The following MAPK10 variants were observed in gnomAD, a reference collection of about 807,000 sequenced individuals.
The protein encoded by MAPK10 is JNK3 alpha protein kinase.
MAPK10 carries 25 observed loss-of-function variants against 59.3 expected under a neutral mutation model. The ratio of observed to expected loss-of-function variants is 0.42; its 90% CI spans 0.31 to 0.59. The LOEUF (loss-of-function observed/expected upper bound fraction) is 0.59, where lower values mean the gene tolerates loss of function less well. Ranked by LOEUF, MAPK10 falls within the 20% of genes least tolerant of loss-of-function variation. The pLI, the probability that MAPK10 is intolerant of heterozygous loss-of-function variation, is 0.15. For missense variants in MAPK10, 351 were observed against 568.9 expected (o/e 0.62, Z 3.90); for synonymous variants, 190 against 200.5 (o/e 0.95, Z 0.44).
intron 1 of MAPK10, among the ~76,000 whole-genome samples, chr4:86,436,877 T>C (rs1748785713): frequency 6.6e-6 from 1 of 152,184 alleles, no homozygotes; most frequent in Non-Finnish European, 1.5e-5. Context: ...TCCTTGTGTA[T>C]TTGCTTACAT....
intron 11 of MAPK10, among the ~76,000 whole-genome samples, chr4:86,051,494 C>A (rs1431123127): frequency 6.6e-6 from 1 of 152,174 alleles, no homozygotes; most frequent in Non-Finnish European, 1.5e-5. Flanking sequence ...AACTTCCAGA[C>A]TTGTGGTCTA....
At chr4:86,535,845 A>G (rs1578031678) in intron 1 of MAPK10, among the ~76,000 whole-genome samples, 2 of 152,218 alleles carry the variant, frequency 1.3e-5, no homozygotes, top group African/African-American at 2.4e-5. Context: ...TTGCTTGTCT[A>G]TTATAATCTG....
intron 2 of MAPK10, chr4:86,326,726 A>C (rs1328839281): frequency 4.6e-5 from 7 of 152,194 alleles, no homozygotes; most frequent in Non-Finnish European, 7.4e-5. Context: ...TAACAACTAA[A>C]AGTCTAGCAT....
intron 4 of MAPK10, chr4:86,119,961 G>A (rs1366706624): frequency 6.6e-6 from 1 of 152,238 alleles, no homozygotes; most frequent in Non-Finnish European, 1.5e-5. Flanking sequence ...AGCTGAACTT[G>A]TCTCTATTTT....
intron 2 of MAPK10, among the ~76,000 whole-genome samples, chr4:86,285,974 T>C (rs547637069): frequency 6.6e-6 from 1 of 152,340 alleles, no homozygotes; most frequent in Admixed American, 6.5e-5. Flanking sequence ...CCTCAACAGA[T>C]TGGATGACTC....
At chr4:86,196,326 CT>C (rs1236241610) in intron 2 of MAPK10, among the ~76,000 whole-genome samples, 1 of 149,048 alleles carries the variant, frequency 6.7e-6, no homozygotes, top group Non-Finnish European at 1.5e-5. Flanking sequence ...TAGTGATGAG[CT>C]TTTTTTCATG....
chr4:86,226,953 C>G (rs1048606472), intron 2 of MAPK10, among the ~76,000 whole-genome samples: 41 of 152,192 alleles, frequency 2.7e-4, no homozygotes, highest in Non-Finnish European at 1.0e-4. Flanking sequence ...TCTAGCTTCA[C>G]TTGGTAACAT....
At chr4:86,131,764 G>A (rs1039845698) in intron 4 of MAPK10, among the ~76,000 whole-genome samples, 5 of 152,018 alleles carry the variant, frequency 3.3e-5, no homozygotes, top group South Asian at 4.1e-4. Flanking sequence ...TGTTATTTAC[G>A]AGACGATGCA....
At chr4:86,247,556 T>C (rs375244276) in intron 2 of MAPK10, among the ~76,000 whole-genome samples, 12 of 152,166 alleles carry the variant, frequency 7.9e-5, no homozygotes, top group African/African-American at 2.7e-4. Flanking sequence ...CCTACTCTCA[T>C]AGAATTAAGG....
intron 1 of MAPK10, among the ~76,000 whole-genome samples, chr4:86,381,904 T>A (rs1379213133): frequency 6.6e-6 from 1 of 152,080 alleles, no homozygotes; most frequent in Non-Finnish European, 1.5e-5. Flanking sequence ...AGGCAAGAGA[T>A]GCAGTCAACT....
intron 2 of MAPK10, among the ~76,000 whole-genome samples, chr4:86,235,859 C>A (rs1213882252): frequency 6.6e-6 from 1 of 152,168 alleles, no homozygotes; most frequent in African/African-American, 2.4e-5. Flanking sequence ...GCTCCTATAA[C>A]AAATTACCGC....
chr4:86,287,148 AG>A (rs1234755989), intron 2 of MAPK10, among the ~76,000 whole-genome samples: 1 of 152,230 alleles, frequency 6.6e-6, no homozygotes, highest in Admixed American at 6.5e-5. Context: ...TCATGAAAAA[AG>A]GCTTAAAATA....
chr4:86,449,399 T>A (rs1750426962), intron 1 of MAPK10, among the ~76,000 whole-genome samples: 2 of 152,240 alleles, frequency 1.3e-5, no homozygotes. Flanking sequence ...AAATTCAAGT[T>A]AAAGCGTGCT....
At chr4:86,060,407 T>C (rs2045514050) in intron 11 of MAPK10, among the ~76,000 whole-genome samples, 1 of 152,102 alleles carries the variant, frequency 6.6e-6, no homozygotes, top group Non-Finnish European at 1.5e-5. Flanking sequence ...AATAAAGCTA[T>C]TTAAAAAAAA....
At chr4:86,414,546 A>C (rs1745618272) in intron 1 of MAPK10, among the ~76,000 whole-genome samples, 1 of 152,240 alleles carries the variant, frequency 6.6e-6, no homozygotes, top group Non-Finnish European at 1.5e-5. Context: ...GTGTACAGCC[A>C]AAATAATTGC....
At chr4:86,564,565 A>G (rs1427615795) in intron 1 of MAPK10, among the ~76,000 whole-genome samples, 1 of 152,154 alleles carries the variant, frequency 6.6e-6, no homozygotes, top group Non-Finnish European at 1.5e-5. Flanking sequence ...TTATTTGCCT[A>G]TGAATGGAGA....
chr4:86,194,687 C>T (rs2080873065), intron 2 of MAPK10, among the ~76,000 whole-genome samples: 2 of 151,586 alleles, frequency 1.3e-5, no homozygotes, highest in Non-Finnish European at 2.9e-5. Context: ...GAAATACATC[C>T]TGTTATAAAG....
intron 1 of MAPK10, among the ~76,000 whole-genome samples, chr4:86,509,196 A>T (rs1408004783): frequency 6.6e-6 from 1 of 152,150 alleles, no homozygotes; most frequent in Non-Finnish European, 1.5e-5. Context: ...TGGCTTTACA[A>T]ATTACAACCG....
intron 2 of MAPK10, among the ~76,000 whole-genome samples, chr4:86,210,664 A>G (rs2085514524): frequency 6.6e-6 from 1 of 151,792 alleles, no homozygotes; most frequent in Non-Finnish European, 1.5e-5. Context: ...AAAAGGAATA[A>G]CGTTGTTTTC....
Sources: allele counts gnomAD v4.1 joint callset (sites outside exome capture counted in the v4.1 genomes callset), GRCh38; gene constraint gnomAD v4.1.1; transcripts MANE v1.5; gene names NCBI Gene and HGNC (gene_info 2026-07-23, HGNC 2026-07-21).